The following SGCZ variants were observed in gnomAD, a reference collection of about 807,000 sequenced individuals.
SGCZ encodes sarcoglycan zeta.
Under a neutral mutation model 41.3 loss-of-function variants are expected in SGCZ, and 40 were observed. That is an observed-to-expected ratio of 0.97 (90% confidence interval 0.75 to 1.26). SGCZ has a LOEUF of 1.26. SGCZ is among the 50% of genes most tolerant of loss of function. SGCZ has a pLI of 0.00. For synonymous variants in SGCZ, 206 were observed against 137.5 expected (o/e 1.50, Z -3.49); for missense variants, 552 against 369.8 (o/e 1.49, Z -4.04).
intron 1 of SGCZ, among the ~76,000 whole-genome samples, chr8:14,741,430 G>A (rs1482911331): frequency 2.0e-5 from 3 of 152,004 alleles, no homozygotes; most frequent in Non-Finnish European, 4.4e-5. Context: ...CTTCTAAATA[G>A]ATGACACTTT....
intron 2 of SGCZ, among the ~76,000 whole-genome samples, chr8:14,443,766 C>T (rs1800345481): frequency 6.6e-6 from 1 of 151,976 alleles, no homozygotes; most frequent in Non-Finnish European, 1.5e-5. Flanking sequence ...GACTTCATGT[C>T]TAAAACACCA....
At chr8:14,973,287 G>C (rs13267348) in intron 1 of SGCZ, among the ~76,000 whole-genome samples, 56 of 151,864 alleles carry the variant, frequency 3.7e-4, no homozygotes, top group Non-Finnish European at 7.1e-4. Context: ...CCAGTCTTTG[G>C]CTGGGTGGGA....
intron 1 of SGCZ, among the ~76,000 whole-genome samples, chr8:14,719,659 G>C (rs917433595): frequency 6.6e-6 from 1 of 151,996 alleles, no homozygotes; most frequent in African/African-American, 2.4e-5. Flanking sequence ...CTTCTTTTGA[G>C]AAGTGTCTGT....
At chr8:14,608,175 C>T (rs1361689939) in intron 1 of SGCZ, among the ~76,000 whole-genome samples, 4 of 150,616 alleles carry the variant, frequency 2.7e-5, no homozygotes, top group Non-Finnish European at 2.9e-5. Context: ...AATGAAGCGC[C>T]AAAACTCTCC....
intron 5 of SGCZ, among the ~76,000 whole-genome samples, chr8:14,125,244 G>A (rs1395425417): frequency 6.6e-6 from 1 of 152,098 alleles, no homozygotes. Context: ...CACTTTGGGA[G>A]GCCAAGGTGG....
rs190433125 is a variant in SGCZ at position 14,836,819 on chromosome 8, A to G, written c.40-281893T>C. ...CTGGGCCCATAATTATTTTTCTCTT[A>G]ATGACAAATCAAATTATGTCACTTC... On this transcript the variant is annotated intron_variant, in intron 1 of 7. Coordinates refer to ENST00000382080, the MANE Select transcript of SGCZ (RefSeq NM_139167.4). Among the ~76,000 whole-genome samples the G allele has an allele frequency of 9.1e-3, 1,391 of 152,194 alleles. 11 individuals are homozygous for G. Among genetic ancestry groups the G allele is most frequent in the Middle Eastern group, 0.017 (5 of 292 alleles).
chr8:14,367,591 A>G (rs912630164), intron 2 of SGCZ, among the ~76,000 whole-genome samples: 1 of 152,138 alleles, frequency 6.6e-6, no homozygotes, highest in African/African-American at 2.4e-5. Context: ...ATCATGGCAG[A>G]AGGCGAAAGA....
intron 2 of SGCZ, among the ~76,000 whole-genome samples, chr8:14,551,116 C>CT (rs75142255): frequency 0.24 from 32,424 of 137,490 alleles, 3,812 homozygotes; most frequent in South Asian, 0.4. Flanking sequence ...TATTGTAATT[C>CT]TTTTTTTTTT....
chr8:14,238,892 T>C (rs914695319), intron 3 of SGCZ, among the ~76,000 whole-genome samples: 1 of 152,192 alleles, frequency 6.6e-6, no homozygotes, highest in South Asian at 2.1e-4. Context: ...AATGTCAATA[T>C]ACAAGTGCTT....
intron 2 of SGCZ, among the ~76,000 whole-genome samples, chr8:14,328,344 T>C (rs1036488842): frequency 3.3e-5 from 5 of 152,186 alleles, no homozygotes; most frequent in Non-Finnish European, 7.3e-5. Context: ...GAAGACATTG[T>C]TACCAGAAGG....
intron 1 of SGCZ, among the ~76,000 whole-genome samples, chr8:14,964,354 T>G (rs1801063847): frequency 6.6e-6 from 1 of 152,214 alleles, no homozygotes; most frequent in African/African-American, 2.4e-5. Flanking sequence ...GTCTTATTTC[T>G]CACTGAAATG....
intron 2 of SGCZ, among the ~76,000 whole-genome samples, chr8:14,408,809 G>A (rs938203980): frequency 1.3e-5 from 2 of 151,864 alleles, no homozygotes; most frequent in Non-Finnish European, 2.9e-5. Context: ...GTATTCAGTT[G>A]GCTAATACTT....
intron 1 of SGCZ, among the ~76,000 whole-genome samples, chr8:15,173,895 T>C (rs1408315256): frequency 6.6e-6 from 1 of 152,078 alleles, no homozygotes. Context: ...ACCTGGCTAA[T>C]TTTTTTATTT....
chr8:14,727,578 T>C (rs112148552), intron 1 of SGCZ, among the ~76,000 whole-genome samples: 2,542 of 151,826 alleles, frequency 0.017, 25 homozygotes, highest in Middle Eastern at 0.041. Flanking sequence ...TGGCCAGATC[T>C]GAGCTCACCA....
chr8:15,024,060 G>A (rs80019392), intron 1 of SGCZ, among the ~76,000 whole-genome samples: 1,577 of 152,264 alleles, frequency 0.01, 23 homozygotes, highest in African/African-American at 0.035. Flanking sequence ...TCACAATCAT[G>A]TTTCTTGAGC....
chr8:14,625,400 C>T (rs1806421768), intron 1 of SGCZ, among the ~76,000 whole-genome samples: 1 of 152,064 alleles, frequency 6.6e-6, no homozygotes, highest in Admixed American at 6.6e-5. Flanking sequence ...TCTCACGTAA[C>T]TTATGATCAA....
Position 14,342,465 on chromosome 8 carries a change from G to A in SGCZ, c.235-18261C>T, listed in dbSNP as rs570991187. 5.3e-5 allele frequency among the ~76,000 whole-genome samples: 8 copies of A among 152,094 alleles called. No individual in the cohort carries two copies. The East Asian group carries it at 5.8e-4, about 11-fold the overall frequency. On this transcript the variant is annotated intron_variant, in intron 2 of 7. Coordinates refer to ENST00000382080, the MANE Select transcript of SGCZ (RefSeq NM_139167.4). Reference sequence around the variant, plus strand: ...CCAGTAGCTGGGACTACAGGTGCCCGCCATCACGCCCGGCTAATTTTTTGT... The same window carrying A: ...CCAGTAGCTGGGACTACAGGTGCCCACCATCACGCCCGGCTAATTTTTTGT...
intron 2 of SGCZ, among the ~76,000 whole-genome samples, chr8:14,386,972 A>G (rs977261515): frequency 6.6e-6 from 1 of 152,242 alleles, no homozygotes; most frequent in African/African-American, 2.4e-5. Flanking sequence ...CATAGAATCT[A>G]GTTTTGTTGA....
intron 4 of SGCZ, among the ~76,000 whole-genome samples, chr8:14,235,623 A>G (rs1355625133): frequency 6.6e-6 from 1 of 152,176 alleles, no homozygotes; most frequent in Non-Finnish European, 1.5e-5. Context: ...GCTTTGCTCT[A>G]TAGGCGGGCA....
Sources: gnomAD v4.1 joint callset for allele counts (sites outside exome capture counted in the v4.1 genomes callset) on GRCh38, gnomAD v4.1.1 for gene constraint, MANE v1.5 for transcripts, NCBI Gene and HGNC (gene_info 2026-07-23, HGNC 2026-07-21) for gene names.